SORT1: variants seen among roughly 807,000 people sequenced by gnomAD.
SORT1 encodes the protein sortilin 1, also known as sortilin.
In SORT1, 39 loss-of-function variants were observed where a neutral mutation model predicts 101.7. The ratio of observed to expected loss-of-function variants is 0.38; its 90% CI spans 0.30 to 0.50. SORT1 has a LOEUF of 0.50. Among genes scored for constraint, SORT1 ranks in the 20% least tolerant of loss-of-function variants. The pLI is 0.90. For synonymous variants in SORT1, 396 were observed against 393.7 expected, an observed-to-expected ratio of 1.01 and a Z score of -0.07; for missense variants, 878 against 1,040.4, an observed-to-expected ratio of 0.84 and a Z score of 2.15.
chr1:109,362,696 T>C (rs546123577), intron 3 of SORT1, among the ~76,000 whole-genome samples: 1 of 152,224 alleles, frequency 6.6e-6, no homozygotes, highest in South Asian at 2.1e-4. Context: ...CATGAATATG[T>C]ATTTGTGGGT....
chr1:109,387,768 T>C (rs1448964655), intron 1 of SORT1, among the ~76,000 whole-genome samples: 1 of 152,082 alleles, frequency 6.6e-6, no homozygotes, highest in Non-Finnish European at 1.5e-5. Context: ...CTGGCCAAGA[T>C]GGTGAAACCC....
intron 15 of SORT1, among the ~76,000 whole-genome samples, chr1:109,318,969 A>T (rs1433420736): frequency 2.0e-5 from 3 of 152,126 alleles, no homozygotes; most frequent in Admixed American, 1.3e-4. Flanking sequence ...CTGTAGAAAG[A>T]GTTTTGCCAT....
intron 9 of SORT1, 111 bp from the exon 10 acceptor site, chr1:109,340,990 G>A (rs1649184431): frequency 5.1e-6 from 4 of 786,684 alleles, no homozygotes; most frequent in Non-Finnish European, 8.0e-6. Flanking sequence ...AGCCAATTGT[G>A]TCTCTTCATG....
rs935449745 is a variant in SORT1, at chr1:109,340,646, G to A, written c.1264+78C>T. The A allele has an allele frequency of 7.6e-6, 11 of 1,442,706 alleles. No individual in the cohort carries two copies. In the South Asian group the frequency reaches 1.0e-4, roughly 14 times the overall value. The allele number at this position is 1,442,706 out of a possible 1,614,324, so 89.4% of individuals were successfully genotyped here. ...TTGGCTTGGCAAGCAACATTACTAG[G>A]GGACAGGTTCCCCGAAGCCTCAAAT... On this transcript the variant is annotated intron_variant, in intron 10 of 19. Transcript: ENST00000256637.
At chr1:109,336,148 TC>T (rs1243315028) in intron 11 of SORT1, 91 bp downstream of exon 11, 2 of 764,654 alleles carry the variant, frequency 2.6e-6, no homozygotes, top group African/African-American at 3.5e-5. Context: ...AGGACCCTAA[TC>T]AAGTATGAAA....
chr1:109,381,095 A>G (rs1387037969), intron 1 of SORT1, among the ~76,000 whole-genome samples: 1 of 152,176 alleles, frequency 6.6e-6, no homozygotes, highest in Non-Finnish European at 1.5e-5. Flanking sequence ...CTGGAGAGCT[A>G]TTTGGTGATG....
chr1:109,375,044 A>G (rs1042579902), intron 1 of SORT1, among the ~76,000 whole-genome samples: 2 of 152,260 alleles, frequency 1.3e-5, no homozygotes, highest in African/African-American at 4.8e-5. Flanking sequence ...ACCTGAAGCC[A>G]TACCAACAGA....
chr1:109,345,657 C>G, intron 8 of SORT1, 94 bp downstream of exon 8: 1 of 1,247,054 alleles, frequency 8.0e-7, no homozygotes, highest in Non-Finnish European at 1.1e-6. Flanking sequence ...AACAAAAAGA[C>G]AAGAAACTCT....
intron 6 of SORT1, among the ~76,000 whole-genome samples, 158 bp from the exon 7 acceptor site, chr1:109,347,690 T>G (rs1233711140): frequency 6.6e-6 from 1 of 152,230 alleles, no homozygotes; most frequent in East Asian, 1.9e-4. Context: ...TTCACAGCTC[T>G]GCCTGTCAAG....
At chr1:109,353,284 A>T (rs1278842) in intron 5 of SORT1, among the ~76,000 whole-genome samples, 1 of 148,596 alleles carries the variant, frequency 6.7e-6, no homozygotes, top group Non-Finnish European at 1.5e-5. Context: ...GACCAGATTG[A>T]GCCATTGCAC....
intron 11 of SORT1, among the ~76,000 whole-genome samples, chr1:109,328,062 T>C (rs1166612979): frequency 6.6e-6 from 1 of 152,214 alleles, no homozygotes; most frequent in Non-Finnish European, 1.5e-5. Flanking sequence ...TTTCCTCCCT[T>C]TTAAAGGCTA....
intron 1 of SORT1, among the ~76,000 whole-genome samples, chr1:109,387,164 A>T (rs1446724518): frequency 2.0e-5 from 3 of 152,088 alleles, no homozygotes; most frequent in Non-Finnish European, 4.4e-5. Context: ...GGTGGTGCAC[A>T]TCTGCAGTCC....
chr1:109,332,581 T>C (rs1648536304), intron 11 of SORT1, among the ~76,000 whole-genome samples: 2 of 152,032 alleles, frequency 1.3e-5, no homozygotes, highest in South Asian at 4.1e-4. Context: ...TAAAAAAAAT[T>C]CCAATGGTAT....
In SORT1 at chr1:109,310,332, C is replaced by T. The variant is rs1359464503; in HGVS notation, c.*3711G>A. 1 of 153,708 alleles carries T rather than the reference C, an allele frequency of 6.5e-6. No individual in the cohort carries two copies. Among genetic ancestry groups the T allele is most frequent in the African/African-American group, 2.4e-5 (1 of 41,428 alleles). The allele number at this position is 153,708 out of a possible 1,614,324, so 9.5% of individuals were successfully genotyped here. A position where few individuals can be genotyped will look rare whatever the true frequency, so the allele number is the denominator to read the frequency against. On this transcript the variant is annotated 3_prime_UTR_variant, in exon 20 of 20. Transcript: ENST00000256637. ...GCAACCTAACCAAGAAATCAACATG[C>T]TCCTGCTATTTCAATGATGCTTCAT...
At chr1:109,390,798 T>TGC (rs67438937) in intron 1 of SORT1, among the ~76,000 whole-genome samples, 23,479 of 144,862 alleles carry the variant, frequency 0.16, 2,066 homozygotes, top group Non-Finnish European at 0.2. Flanking sequence ...TGTGTGTGTG[T>TGC]GCGCGCGCGC....
chr1:109,348,232 A>G (rs1649726777), intron 6 of SORT1, among the ~76,000 whole-genome samples: 1 of 152,170 alleles, frequency 6.6e-6, no homozygotes, highest in African/African-American at 2.4e-5. Flanking sequence ...TTTGCAGGGA[A>G]CTAGATTCAG....
Position 109,312,344 on chromosome 1 carries a change from T to A in SORT1, c.*1699A>T, listed in dbSNP as rs1356981628. ...TTCACAAAAACTGCCTCAACTTTAT[T>A]TTCTAACTGAAGCTCCCTGACTCAT... On this transcript the variant is annotated 3_prime_UTR_variant, in exon 20 of 20. Transcript: ENST00000256637. The A allele has an allele frequency of 1.3e-5, 2 of 152,592 alleles. No homozygotes were observed. The highest frequency in any genetic ancestry group is 2.9e-5 in the Non-Finnish European group (2 of 68,022). 9.5% of individuals were successfully genotyped at this position (152,592 alleles called of 1,614,324 possible).
chr1:109,376,500 C>A (rs984889159), intron 1 of SORT1, among the ~76,000 whole-genome samples: 1 of 143,750 alleles, frequency 7.0e-6, no homozygotes, highest in African/African-American at 2.5e-5. Context: ...AACCTAGGTG[C>A]CCATCAGCAG....
At chr1:109,344,530 C>G (rs890351241) in intron 8 of SORT1, among the ~76,000 whole-genome samples, 2 of 152,174 alleles carry the variant, frequency 1.3e-5, no homozygotes, top group Non-Finnish European at 2.9e-5. Context: ...GTGCCTCATC[C>G]TACTCTCCTC....
Sources: gnomAD v4.1 joint callset for allele counts (sites outside exome capture counted in the v4.1 genomes callset) on GRCh38, gnomAD v4.1.1 for gene constraint, MANE v1.5 for transcripts, NCBI Gene and HGNC (gene_info 2026-07-23, HGNC 2026-07-21) for gene names.